SETBP1: variants seen among roughly 807,000 people sequenced by gnomAD.
SETBP1 encodes SET binding protein 1, also known as SET-binding protein.
SETBP1 carries 9 observed loss-of-function variants against 101.0 expected under a neutral mutation model. The ratio of observed to expected loss-of-function variants is 0.09; its 90% CI spans 0.05 to 0.16. The LOEUF (loss-of-function observed/expected upper bound fraction) is 0.16. Ranked by LOEUF, SETBP1 falls within the 10% of genes least tolerant of loss-of-function variation. The probability of loss-of-function intolerance (pLI) is 1.00; values close to 1 mark genes in which losing one functional copy is unlikely to be tolerated. For synonymous variants in SETBP1, 818 were observed against 788.5 expected, an observed-to-expected ratio of 1.04 and a Z score of -0.63; for missense variants, 1,858 against 2,033.8, an observed-to-expected ratio of 0.91 and a Z score of 1.66.
chr18:44,733,962 C>T (rs1021299101), intron 2 of SETBP1, among the ~76,000 whole-genome samples: 3 of 152,090 alleles, frequency 2.0e-5, no homozygotes, highest in African/African-American at 4.8e-5. Context: ...AGGATCTGCC[C>T]GGTCCAAAAG....
intron 2 of SETBP1, among the ~76,000 whole-genome samples, chr18:44,766,619 G>A (rs774574517): frequency 6.6e-6 from 1 of 152,136 alleles, no homozygotes; most frequent in African/African-American, 2.4e-5. Flanking sequence ...TGGATGGATG[G>A]TGGTGATGGT....
rs1157412822 is a variant in SETBP1, at chr18:44,740,554, G to T, written c.486+38722G>T. Among the ~76,000 whole-genome samples, 3 of 152,354 alleles carry T rather than the reference G, an allele frequency of 2.0e-5. No homozygotes were observed. The South Asian group carries it at 6.2e-4, about 32-fold the overall frequency. Reference sequence around the variant, plus strand: ...AATACTTTAAAAGAGAGAAATAGGGGTAGAAAGCCTTTCTAGGTTAAGGTG... The same window carrying T: ...AATACTTTAAAAGAGAGAAATAGGGTTAGAAAGCCTTTCTAGGTTAAGGTG... On this transcript the variant is annotated intron_variant, in intron 2 of 5. Transcript: ENST00000649279.
At chr18:44,996,091 G>A (rs1226886340) in intron 4 of SETBP1, among the ~76,000 whole-genome samples, 1 of 152,192 alleles carries the variant, frequency 6.6e-6, no homozygotes, top group African/African-American at 2.4e-5. Flanking sequence ...CAGGGTTTAT[G>A]TCTATTGAAC....
chr18:44,901,692 C>T (rs1263492648), intron 3 of SETBP1, among the ~76,000 whole-genome samples: 3 of 152,128 alleles, frequency 2.0e-5, no homozygotes, highest in Admixed American at 1.3e-4. Context: ...TACAGCCAGA[C>T]ATTATACACT....
intron 2 of SETBP1, among the ~76,000 whole-genome samples, chr18:44,824,675 A>G (rs1282555244): frequency 1.3e-5 from 2 of 152,218 alleles, no homozygotes; most frequent in Non-Finnish European, 2.9e-5. Context: ...ATGACAAGTT[A>G]CAACCTTTTG....
intron 1 of SETBP1, among the ~76,000 whole-genome samples, chr18:44,690,372 G>A (rs2068909703): frequency 6.6e-6 from 1 of 152,182 alleles, no homozygotes; most frequent in South Asian, 2.1e-4. Flanking sequence ...TACACTTTAT[G>A]TTCAAATGAC....
In SETBP1 at chr18:44,803,499, A is replaced by G. The variant is rs553082363; in HGVS notation, c.487-65731A>G. ...CACTTCTTAGACTGAGTCTCCCAGA[A>G]GCTGCTTCGAGACTCCTGCCCTTTC... On this transcript the variant is annotated intron_variant, in intron 2 of 5. Transcript: ENST00000649279. Among the ~76,000 whole-genome samples the G allele has an allele frequency of 8.5e-5, 13 of 152,264 alleles. No homozygotes were observed. The South Asian group carries it at 2.7e-3, about 32-fold the overall frequency.
chr18:44,848,767 C>T (rs1167870629), intron 2 of SETBP1, among the ~76,000 whole-genome samples: 3 of 152,168 alleles, frequency 2.0e-5, no homozygotes, highest in African/African-American at 7.2e-5. Flanking sequence ...CCGATGATTC[C>T]GGCAGGTCTG....
chr18:44,841,913 G>A (rs778114690), intron 2 of SETBP1, among the ~76,000 whole-genome samples: 33 of 152,166 alleles, frequency 2.2e-4, no homozygotes, highest in Non-Finnish European at 4.4e-4. Context: ...TTCCCCGAAG[G>A]CTTGTTGCAG....
At chr18:44,839,544 C>A (rs1271625908) in intron 2 of SETBP1, among the ~76,000 whole-genome samples, 1 of 152,244 alleles carries the variant, frequency 6.6e-6, no homozygotes, top group Non-Finnish European at 1.5e-5. Context: ...ATCTTCCATT[C>A]TCTTGGCAGT....
chr18:44,823,598 A>G (rs2144398498), intron 2 of SETBP1, among the ~76,000 whole-genome samples: 1 of 152,310 alleles, frequency 6.6e-6, no homozygotes, highest in African/African-American at 2.4e-5. Flanking sequence ...AATATTCTAG[A>G]ACAGGACTTA....
chr18:44,973,460 C>T (rs2071914585), intron 4 of SETBP1, among the ~76,000 whole-genome samples: 1 of 152,108 alleles, frequency 6.6e-6, no homozygotes, highest in Non-Finnish European at 1.5e-5. Flanking sequence ...CCAAAGGATG[C>T]AGTTGCTGCC....
chr18:44,967,507 C>T (rs771252877), intron 4 of SETBP1, among the ~76,000 whole-genome samples: 8 of 152,222 alleles, frequency 5.3e-5, no homozygotes, highest in Non-Finnish European at 7.3e-5. Context: ...TATTTCACCA[C>T]TTCTTATGTC....
At chr18:44,987,237 A>G (rs888671933) in intron 4 of SETBP1, 1 of 152,252 alleles carries the variant, frequency 6.6e-6, no homozygotes, top group Non-Finnish European at 1.5e-5. Flanking sequence ...ATGTTATGCC[A>G]TGTATGACTG....
intron 1 of SETBP1, among the ~76,000 whole-genome samples, chr18:44,700,771 CA>C (rs1435536668): frequency 6.6e-6 from 1 of 152,102 alleles, no homozygotes; most frequent in East Asian, 1.9e-4. Context: ...AGAAGCGGTG[CA>C]AAAAGCCAAC....
At chr18:44,931,861 A>T (rs1463605892) in intron 3 of SETBP1, among the ~76,000 whole-genome samples, 1 of 152,178 alleles carries the variant, frequency 6.6e-6, no homozygotes, top group African/African-American at 2.4e-5. Context: ...TCTCCTGAAT[A>T]TAGCACACTG....
At chr18:45,010,756 A>G (rs1190435124) in intron 4 of SETBP1, among the ~76,000 whole-genome samples, 1 of 152,230 alleles carries the variant, frequency 6.6e-6, no homozygotes, top group African/African-American at 2.4e-5. Flanking sequence ...ATTTATAAAT[A>G]AATACTCATG....
At chr18:44,944,887 T>A (rs1049899848) in intron 3 of SETBP1, among the ~76,000 whole-genome samples, 9 of 152,210 alleles carry the variant, frequency 5.9e-5, no homozygotes, top group African/African-American at 9.6e-5. Flanking sequence ...GGTCACTCAT[T>A]TGCTTCCCAT....
At chr18:44,867,486 C>T (rs1171491164) in intron 2 of SETBP1, among the ~76,000 whole-genome samples, 1 of 152,258 alleles carries the variant, frequency 6.6e-6, no homozygotes, top group Non-Finnish European at 1.5e-5. Context: ...TCACACTTGA[C>T]TGCACTCTGC....
Sources: allele counts gnomAD v4.1 joint callset (sites outside exome capture counted in the v4.1 genomes callset), GRCh38; gene constraint gnomAD v4.1.1; transcripts MANE v1.5; gene names NCBI Gene and HGNC (gene_info 2026-07-23, HGNC 2026-07-21).